The following LHFPL6 variants were observed in gnomAD, a reference collection of about 807,000 sequenced individuals.
LHFPL6 encodes LHFPL tetraspan subfamily member 6.
A neutral mutation model predicts 20.6 loss-of-function variants in LHFPL6; 9 were observed. That is an observed-to-expected ratio of 0.44 (90% CI 0.26 to 0.76). LHFPL6 has a LOEUF of 0.76. Among genes scored for constraint, LHFPL6 ranks in the 30% least tolerant of loss-of-function variants. LHFPL6 has a pLI of 0.20. For synonymous variants in LHFPL6, 105 were observed against 98.7 expected (o/e 1.06, Z -0.38); for missense variants, 218 against 253.5 (o/e 0.86, Z 0.95).
chr13:39,595,886 A>G (rs1593378733), intron 2 of LHFPL6, among the ~76,000 whole-genome samples: 1 of 152,270 alleles, frequency 6.6e-6, no homozygotes, highest in South Asian at 2.1e-4. Flanking sequence ...TGGCCTAATC[A>G]TTCTATGTTT....
chr13:39,602,611 T>A (rs948367922), intron 1 of LHFPL6, among the ~76,000 whole-genome samples: 1 of 149,964 alleles, frequency 6.7e-6, no homozygotes, highest in East Asian at 1.9e-4. Context: ...ACTCCACCCA[T>A]GGAGACACAC....
intron 2 of LHFPL6, among the ~76,000 whole-genome samples, chr13:39,467,619 G>C (rs780717958): frequency 3.9e-5 from 6 of 152,122 alleles, no homozygotes; most frequent in Non-Finnish European, 7.4e-5. Flanking sequence ...AATTAGCTTT[G>C]ATCCCCTCCC....
At chr13:39,493,410 C>T (rs1868997184) in intron 2 of LHFPL6, among the ~76,000 whole-genome samples, 1 of 151,848 alleles carries the variant, frequency 6.6e-6, no homozygotes. Context: ...TGCTAAAAGG[C>T]TTTAACATCA....
At chr13:39,568,600 T>C (rs1321566070) in intron 2 of LHFPL6, among the ~76,000 whole-genome samples, 1 of 152,232 alleles carries the variant, frequency 6.6e-6, no homozygotes, top group African/African-American at 2.4e-5. Flanking sequence ...AGAATATTCA[T>C]TCTAGAAATT....
intron 3 of LHFPL6, among the ~76,000 whole-genome samples, chr13:39,376,823 A>G (rs1026582745): frequency 2.6e-5 from 4 of 152,162 alleles, no homozygotes; most frequent in African/African-American, 9.7e-5. Flanking sequence ...GTCCATCCAT[A>G]TAGTAGGGGA....
At chr13:39,535,139 CT>C (rs1870577327) in intron 2 of LHFPL6, among the ~76,000 whole-genome samples, 1 of 152,228 alleles carries the variant, frequency 6.6e-6, no homozygotes, top group African/African-American at 2.4e-5. Flanking sequence ...AAATTTCCTT[CT>C]TCTTATAAGG....
At chr13:39,598,778 C>T (rs1872844080) in intron 2 of LHFPL6, among the ~76,000 whole-genome samples, 2 of 152,042 alleles carry the variant, frequency 1.3e-5, no homozygotes, top group African/African-American at 2.4e-5. Context: ...AGGATGGTCT[C>T]GATCTCCTGA....
At chr13:39,357,478 G>C (rs1252529350) in intron 3 of LHFPL6, among the ~76,000 whole-genome samples, 1 of 152,180 alleles carries the variant, frequency 6.6e-6, no homozygotes, top group African/African-American at 2.4e-5. Context: ...ATTCAACATA[G>C]TACTGGGCTC....
chr13:39,458,119 A>G (rs1405467891), intron 2 of LHFPL6, among the ~76,000 whole-genome samples: 1 of 152,212 alleles, frequency 6.6e-6, no homozygotes, highest in African/African-American at 2.4e-5. Flanking sequence ...TCATCCTGTA[A>G]CAGATTTCCA....
At chr13:39,562,367 C>T (rs201827162) in intron 2 of LHFPL6, among the ~76,000 whole-genome samples, 1 of 75,500 alleles carries the variant, frequency 1.3e-5, no homozygotes, top group Admixed American at 1.4e-4. Context: ...TATACATATA[C>T]ATATATACAT....
intron 2 of LHFPL6, among the ~76,000 whole-genome samples, chr13:39,446,741 G>A (rs566347671): frequency 2.0e-5 from 3 of 152,172 alleles, no homozygotes; most frequent in African/African-American, 4.8e-5. Context: ...TTTAGGTCCC[G>A]TCCAATAGCA....
chr13:39,417,879 G>A (rs774778366), intron 2 of LHFPL6, among the ~76,000 whole-genome samples: 36 of 152,166 alleles, frequency 2.4e-4, no homozygotes, highest in Non-Finnish European at 4.3e-4. Flanking sequence ...TTTAGAAAGC[G>A]AAAGAAAGGA....
intron 2 of LHFPL6, among the ~76,000 whole-genome samples, chr13:39,595,009 C>T (rs1872724968): frequency 6.6e-6 from 1 of 151,996 alleles, no homozygotes; most frequent in African/African-American, 2.4e-5. Flanking sequence ...GGAGATATAC[C>T]TAATGTTAAA....
At chr13:39,441,047 T>G (rs1326416128) in intron 2 of LHFPL6, among the ~76,000 whole-genome samples, 2 of 151,616 alleles carry the variant, frequency 1.3e-5, no homozygotes, top group Non-Finnish European at 2.9e-5. Context: ...AATACCAGTC[T>G]CAGGTATGTC....
chr13:39,558,994 C>T (rs1218867820), intron 2 of LHFPL6, among the ~76,000 whole-genome samples: 1 of 152,148 alleles, frequency 6.6e-6, no homozygotes, highest in Non-Finnish European at 1.5e-5. Flanking sequence ...ATGAACAAAG[C>T]AGAGTAGGAG....
At chr13:39,349,258 T>C (rs1461956735) in intron 3 of LHFPL6, among the ~76,000 whole-genome samples, 1 of 152,236 alleles carries the variant, frequency 6.6e-6, no homozygotes, top group African/African-American at 2.4e-5. Flanking sequence ...ACAAATTATA[T>C]TGAGATATAG....
intron 3 of LHFPL6, 57 bp from the exon 4 acceptor site, chr13:39,344,111 G>A (rs997385291): frequency 6.9e-7 from 1 of 1,446,260 alleles, no homozygotes; most frequent in Non-Finnish European, 9.6e-7. Flanking sequence ...TTTTGCAGCA[G>A]GGTTTCTTAT....
chr13:39,426,714 G>A (rs1419775818), intron 2 of LHFPL6, among the ~76,000 whole-genome samples: 1 of 152,022 alleles, frequency 6.6e-6, no homozygotes, highest in Non-Finnish European at 1.5e-5. Context: ...ACATAAAATA[G>A]TTTGCTTACC....
intron 2 of LHFPL6, among the ~76,000 whole-genome samples, chr13:39,549,576 A>G (rs1871087539): frequency 6.6e-6 from 1 of 152,116 alleles, no homozygotes; most frequent in Non-Finnish European, 1.5e-5. Context: ...GTAGAAACAA[A>G]AAATGGTACA....
Sources: allele counts gnomAD v4.1 joint callset (sites outside exome capture counted in the v4.1 genomes callset), GRCh38; gene constraint gnomAD v4.1.1; transcripts MANE v1.5; gene names NCBI Gene and HGNC (gene_info 2026-07-23, HGNC 2026-07-21).